OPA1: variants seen among roughly 807,000 people sequenced by gnomAD.
The protein encoded by OPA1 is OPA1 mitochondrial dynamin like GTPase.
OPA1 carries 59 observed loss-of-function variants against 152.9 expected under a neutral mutation model. That is an observed-to-expected ratio of 0.39 (90% confidence interval 0.31 to 0.48). OPA1 has a LOEUF of 0.48. Among genes scored for constraint, OPA1 ranks in the 20% least tolerant of loss-of-function variants. The probability of loss-of-function intolerance (pLI) is 0.96; values close to 1 mark genes in which losing one functional copy is unlikely to be tolerated. For synonymous variants in OPA1, 400 were observed against 389.9 expected, an observed-to-expected ratio of 1.03 and a Z score of -0.31; for missense variants, 1,008 against 1,216.8, an observed-to-expected ratio of 0.83 and a Z score of 2.55.
Position 193,617,218 on chromosome 3 carries a change from A to G in OPA1, c.489A>G (p.Val163=), listed in dbSNP as rs527409364. The change falls in exon 4 of 31, where the codon GTA becomes GTG. Residue 163 remains valine (V), a synonymous_variant. Coordinates refer to ENST00000361510, the MANE Select transcript of OPA1 (RefSeq NM_130837.3). ...RKALPSSEDL[V]KLAPDFDKIV... Reference sequence around the variant, plus strand: ...CCCTTCCTAGTTCAGAAGACCTTGTAAAGTTAGCACCAGACTTTGACAAGA... The same window carrying G: ...CCCTTCCTAGTTCAGAAGACCTTGTGAAGTTAGCACCAGACTTTGACAAGA... 4.3e-6 allele frequency: 7 copies of G among 1,613,034 alleles called. No individual in the cohort carries two copies. Among genetic ancestry groups the G allele is most frequent in the South Asian group, 1.1e-5 (1 of 91,018 alleles).
intron 29 of OPA1, chr3:193,691,407 C>T (rs1721661483): frequency 6.6e-6 from 1 of 152,140 alleles, no homozygotes. Context: ...TGTAAATCTA[C>T]CTCTAGTGGC....
chr3:193,667,183 G>A lies in OPA1; in HGVS notation c.2886G>A (p.Glu962=). Residue 962 remains glutamate (E), a synonymous_variant, in exon 29 of 31, where the codon GAG becomes GAA. Coordinates refer to ENST00000361510, the MANE Select transcript of OPA1 (RefSeq NM_130837.3). ...TTCTTTAAACAGTTAGGCGATTAGA[G>A]AAAAATGTTAAAGAGGTATTGGAAG... ...QLTNTEVRRL[E]KNVKEVLEDF... is the part of the protein sequence containing the mutation. 1.3e-6 allele frequency: 2 copies of A among 1,569,316 alleles called. No homozygotes were observed. Among genetic ancestry groups the A allele is most frequent in the Non-Finnish European group, 1.8e-6 (2 of 1,139,302 alleles).
intron 9 of OPA1, among the ~76,000 whole-genome samples, chr3:193,636,254 A>T (rs938772309): frequency 6.6e-6 from 1 of 151,808 alleles, no homozygotes; most frequent in Non-Finnish European, 1.5e-5. Context: ...ATGACTGCAT[A>T]AAACAGATAA....
chr3:193,662,441 C>G (rs1333952523), intron 25 of OPA1, among the ~76,000 whole-genome samples: 1 of 152,208 alleles, frequency 6.6e-6, no homozygotes, highest in African/African-American at 2.4e-5. Flanking sequence ...AGAACATCAG[C>G]TCTTCCTATG....
intron 23 of OPA1, 57 bp from the exon 24 acceptor site, chr3:193,658,830 C>A: frequency 8.5e-7 from 1 of 1,173,420 alleles, no homozygotes; most frequent in Non-Finnish European, 1.3e-6. Context: ...TTGAATAAAA[C>A]TACTAAAATG....
intron 25 of OPA1, among the ~76,000 whole-genome samples, chr3:193,660,767 A>G (rs945370227): frequency 3.3e-4 from 50 of 152,206 alleles, no homozygotes; most frequent in Admixed American, 2.0e-4. Flanking sequence ...AAGCTGAGGA[A>G]GCAGACAGTT....
At position 193,645,634 on chromosome 3, in the gene OPA1, A is replaced by T; in HGVS notation, c.1681+9A>T. ...TGTTGTAACAGGAAAAGGTATGCAA[A>T]GATGGATTATAATAACTTATTTTTA... On this transcript the variant is annotated intron_variant, in intron 17 of 30. Transcript: ENST00000361510. 2 of 1,610,028 alleles carry T rather than the reference A, an allele frequency of 1.2e-6. No individual in the cohort carries two copies. The highest frequency in any genetic ancestry group is 1.7e-6 in the Non-Finnish European group (2 of 1,176,506).
intron 29 of OPA1, among the ~76,000 whole-genome samples, chr3:193,674,465 T>A (rs1431535141): frequency 6.6e-6 from 1 of 152,198 alleles, no homozygotes; most frequent in East Asian, 1.9e-4. Flanking sequence ...AGCAGCAAGG[T>A]GACCTAATAC....
At chr3:193,646,762 G>A (rs1734706377) in intron 18 of OPA1, among the ~76,000 whole-genome samples, 1 of 152,118 alleles carries the variant, frequency 6.6e-6, no homozygotes, top group Non-Finnish European at 1.5e-5. Flanking sequence ...GACAGTGCAA[G>A]ATTCCAATTC....
chr3:193,628,605 A>G (rs1731559099), intron 7 of OPA1: 2 of 152,188 alleles, frequency 1.3e-5, no homozygotes, highest in Non-Finnish European at 2.9e-5. Flanking sequence ...ATTGATATCC[A>G]TTTCTGTCAG....
intron 29 of OPA1, among the ~76,000 whole-genome samples, chr3:193,677,905 A>G (rs1002956034): frequency 6.6e-6 from 1 of 152,234 alleles, no homozygotes; most frequent in Admixed American, 6.5e-5. Flanking sequence ...GTCGTTGCTC[A>G]TCGTGATACC....
At position 193,647,071 on chromosome 3, in the gene OPA1, C is replaced by G; in HGVS notation, c.1761C>G (p.Ser587Arg). ...TGTTATTTTTTTTTAATAGGACAAG[C>G]ATGCTAAAGGCACACCAAGTGACTA... Reference protein sequence around the residue: ...FFQNSKLLKTSMLKAHQVTTR... With the variant: ...FFQNSKLLKTRMLKAHQVTTR... Residue 587 changes from serine (S) to arginine (R), a missense_variant, in exon 19 of 31, where the codon AGC becomes AGG. Physicochemically the swap from Ser to Arg is moderately radical, Grantham distance 110. Coordinates refer to ENST00000361510, the MANE Select transcript of OPA1 (RefSeq NM_130837.3). 3 of 1,605,214 alleles carry G rather than the reference C, an allele frequency of 1.9e-6. No individual in the cohort carries two copies. Among genetic ancestry groups the G allele is most frequent in the Non-Finnish European group, 2.6e-6 (3 of 1,173,780 alleles).
At chr3:193,642,094 C>T (rs1412798810) in intron 11 of OPA1, among the ~76,000 whole-genome samples, 9 of 152,258 alleles carry the variant, frequency 5.9e-5, no homozygotes, top group Admixed American at 1.3e-4. Context: ...TCAGCCTGGG[C>T]GACAGAATGA....
chr3:193,688,459 T>C (rs868302422), intron 29 of OPA1, among the ~76,000 whole-genome samples: 4 of 28,848 alleles, frequency 1.4e-4, no homozygotes, highest in Admixed American at 6.7e-4. Flanking sequence ...CTTTTTTTTT[T>C]TTTTTTTTTT....
intron 6 of OPA1, among the ~76,000 whole-genome samples, chr3:193,625,362 G>A (rs190935554): frequency 6.6e-6 from 1 of 151,816 alleles, no homozygotes; most frequent in African/African-American, 2.4e-5. Context: ...TTTTTTTATA[G>A]CACTTTTGTT....
At chr3:193,661,665 T>C (rs865905733) in intron 25 of OPA1, among the ~76,000 whole-genome samples, 35 of 152,254 alleles carry the variant, frequency 2.3e-4, no homozygotes, top group Admixed American at 7.9e-4. Context: ...TGAAACATTC[T>C]CGCCTTGTTT....
intron 9 of OPA1, 33 bp from the exon 10 acceptor site, chr3:193,637,162 G>A: frequency 1.6e-6 from 2 of 1,239,904 alleles, no homozygotes; most frequent in Non-Finnish European, 2.3e-6. Flanking sequence ...TACTTTTACT[G>A]TTTTATATTA....
At chr3:193,684,242 T>C in intron 29 of OPA1, among the ~76,000 whole-genome samples, 1 of 152,186 alleles carries the variant, frequency 6.6e-6, no homozygotes, top group East Asian at 1.9e-4. Context: ...AATATGATGC[T>C]GTCCAAACAT....
At chr3:193,606,582 C>T (rs1727319303) in intron 1 of OPA1, among the ~76,000 whole-genome samples, 1 of 152,174 alleles carries the variant, frequency 6.6e-6, no homozygotes, top group Non-Finnish European at 1.5e-5. Context: ...CATGTCCCTA[C>T]AAAGGACATT....
Sources: gnomAD v4.1 joint callset for allele counts (sites outside exome capture counted in the v4.1 genomes callset) on GRCh38, gnomAD v4.1.1 for gene constraint, MANE v1.5 for transcripts, NCBI Gene and HGNC (gene_info 2026-07-23, HGNC 2026-07-21) for gene names.